The following JADE2 variants were observed in gnomAD, a reference collection of about 807,000 sequenced individuals.
The protein encoded by JADE2 is E3 ubiquitin-protein ligase Jade-2.
In JADE2, 13 loss-of-function variants were observed where a neutral mutation model predicts 85.7. The observed-to-expected ratio is 0.15, with a 90% confidence interval of 0.10 to 0.24. The LOEUF is 0.24. JADE2 is among the 10% of genes least tolerant of loss of function. JADE2 has a pLI of 1.00. For synonymous variants in JADE2, 440 were observed against 456.1 expected (o/e 0.96, Z 0.45); for missense variants, 846 against 1,115.9 (o/e 0.76, Z 3.45).
At chr5:134,553,381 G>C (rs1346469603) in intron 4 of JADE2, among the ~76,000 whole-genome samples, 1 of 147,156 alleles carries the variant, frequency 6.8e-6, no homozygotes, top group African/African-American at 2.5e-5. Context: ...TTGAGACGGA[G>C]TCTCGCTCTT....
chr5:134,559,595 A>G (rs1236881228), intron 4 of JADE2, among the ~76,000 whole-genome samples: 1 of 152,196 alleles, frequency 6.6e-6, no homozygotes, highest in Non-Finnish European at 1.5e-5. Flanking sequence ...ACTGTGCCCT[A>G]CTGCCCTTTG....
At chr5:134,571,355 G>A (rs1763995766) in intron 9 of JADE2, among the ~76,000 whole-genome samples, 1 of 152,234 alleles carries the variant, frequency 6.6e-6, no homozygotes, top group Non-Finnish European at 1.5e-5. Flanking sequence ...CCGTACAGAA[G>A]CCACTGGAGG....
intron 1 of JADE2, among the ~76,000 whole-genome samples, chr5:134,535,098 CAGG>C (rs1761501982): frequency 6.6e-6 from 1 of 152,174 alleles, no homozygotes; most frequent in South Asian, 2.1e-4. Flanking sequence ...TGGTTAGGAA[CAGG>C]AGATGATGTG....
At chr5:134,552,490 C>G (rs1762650392) in intron 4 of JADE2, among the ~76,000 whole-genome samples, 1 of 152,188 alleles carries the variant, frequency 6.6e-6, no homozygotes, top group Admixed American at 6.5e-5. Context: ...TGTAATCTCT[C>G]TGGGCCTCAG....
chr5:134,558,481 C>A (rs1359532240), intron 4 of JADE2, among the ~76,000 whole-genome samples: 1 of 151,674 alleles, frequency 6.6e-6, no homozygotes, highest in East Asian at 1.9e-4. Context: ...AATGGTAATG[C>A]CTAGGTTTTC....
chr5:134,566,188 A>C lies in JADE2; in HGVS notation c.1042A>C (p.Ile348Leu), dbSNP rs369525537. ...TGACCACGGCCTGGAAATGCGGACTATATTAGCAGACAACGATGAGGTCAA... is the reference window on the plus strand; with the variant it reads ...TGACCACGGCCTGGAAATGCGGACTCTATTAGCAGACAACGATGAGGTCAA... ...AFDHGLEMRT[I>L]LADNDEVKFK... The change falls in exon 9 of 12, where the codon ATA (isoleucine) becomes CTA (leucine). Residue 348 changes from isoleucine to leucine, a missense_variant. By Grantham distance (5) the Ile-to-Leu change is conservative. Transcript: ENST00000681547. This position sits in a 1 kb window ranked among gnomAD's most constrained non-coding sequence, Gnocchi z 6.7. 1.9e-6 allele frequency: 3 copies of C among 1,613,928 alleles called. No individual in the cohort carries two copies. Among genetic ancestry groups the C allele is most frequent in the African/African-American group, 2.7e-5 (2 of 74,864 alleles).
At position 134,557,221 on chromosome 5, in the gene JADE2, G is replaced by GATT. The variant is rs199667134; in HGVS notation, c.312-2602_312-2600dup. Among the ~76,000 whole-genome samples the GATT allele has an allele frequency of 6.1e-3, 926 of 150,810 alleles. 6 individuals are homozygous for GATT. The highest frequency in any genetic ancestry group is 0.01 in the Non-Finnish European group (701 of 67,908). On this transcript the variant is annotated intron_variant, in intron 4 of 11. Transcript: ENST00000681547. ...TTGTTATTATGATGATGATGATGATGATTATTATTTTTTTTGTTGTTGTTG... is the reference window on the plus strand; with the variant it reads ...TTGTTATTATGATGATGATGATGATGATTATTATTATTTTTTTTGTTGTTGTTG...
chr5:134,532,098 T>G (rs1761284697), intron 1 of JADE2, among the ~76,000 whole-genome samples: 1 of 152,030 alleles, frequency 6.6e-6, no homozygotes, highest in African/African-American at 2.4e-5. Flanking sequence ...TTGCCCAGAC[T>G]GATCTTGAAC....
chr5:134,567,467 C>T (rs1763715181), intron 9 of JADE2, among the ~76,000 whole-genome samples: 1 of 152,164 alleles, frequency 6.6e-6, no homozygotes, highest in African/African-American at 2.4e-5. Flanking sequence ...ACAGGCTGTT[C>T]TGGTCTCTCC....
chr5:134,577,165 C>A (rs1262074390), intron 11 of JADE2: 2 of 370,938 alleles, frequency 5.4e-6, no homozygotes, highest in Non-Finnish European at 9.7e-6. Context: ...CCAGTCATTC[C>A]CCTGGCTGGG....
intron 3 of JADE2, among the ~76,000 whole-genome samples, chr5:134,546,271 C>G (rs1762289648): frequency 6.6e-6 from 1 of 152,104 alleles, no homozygotes; most frequent in Non-Finnish European, 1.5e-5. Context: ...TGGGCTCAGG[C>G]AGTCCTCCCG....
At chr5:134,551,952 T>C in intron 3 of JADE2, 100 bp from the exon 4 acceptor site, 1 of 1,044,468 alleles carries the variant, frequency 9.6e-7, no homozygotes, top group South Asian at 1.3e-5. Context: ...GCAGGCAGAA[T>C]GTCCACTTGA....
At chr5:134,527,097 G>T (rs1385685389) in intron 1 of JADE2, among the ~76,000 whole-genome samples, 1 of 152,144 alleles carries the variant, frequency 6.6e-6, no homozygotes, top group African/African-American at 2.4e-5. Flanking sequence ...ACTCTCAAAT[G>T]AGTGACATTG....
chr5:134,532,890 A>G (rs1761334103), intron 1 of JADE2, among the ~76,000 whole-genome samples: 1 of 152,224 alleles, frequency 6.6e-6, no homozygotes, highest in African/African-American at 2.4e-5. Flanking sequence ...TTTAAAGGAA[A>G]GAAGCTGCAC....
rs557898290 is a variant in JADE2, at chr5:134,537,077, A to G, written c.59-912A>G. On this transcript the variant is annotated intron_variant, in intron 2 of 11. Transcript: ENST00000681547. ...TCACAGCATCTGGCCTTTTGTGGCT[A>G]CAACATGCTGCCTGTGGCCTGGCTC... 2.0e-5 allele frequency among the ~76,000 whole-genome samples: 3 copies of G among 152,306 alleles called. No homozygotes were observed. In the East Asian group the frequency reaches 5.8e-4, roughly 29 times the overall value.
intron 1 of JADE2, among the ~76,000 whole-genome samples, chr5:134,531,887 T>C (rs1184358674): frequency 4.5e-5 from 5 of 111,766 alleles, no homozygotes; most frequent in African/African-American, 1.8e-4. Flanking sequence ...GCCTGGCTTT[T>C]TTTTTTTTTT....
At chr5:134,569,782 C>T (rs1763880615) in intron 9 of JADE2, among the ~76,000 whole-genome samples, 1 of 152,138 alleles carries the variant, frequency 6.6e-6, no homozygotes, top group Admixed American at 6.5e-5. Context: ...ATGGTGGTCC[C>T]TTTGGCCTCC....
intron 9 of JADE2, among the ~76,000 whole-genome samples, chr5:134,567,394 G>T (rs1763709524): frequency 1.3e-5 from 2 of 152,144 alleles, no homozygotes. Context: ...ACGGTGGCTT[G>T]GTCCAGGGGG....
chr5:134,525,756 A>G lies in JADE2; in HGVS notation c.-256A>G, dbSNP rs566375132. On this transcript the variant is annotated 5_prime_UTR_variant, in exon 1 of 12. An upstream start codon of the reference 5' UTR is lost. Coordinates refer to ENST00000681547, the MANE Select transcript of JADE2 (RefSeq NM_001388185.1). ...TTTTTGGGGGGGGTGAGTAGCGTCC[A>G]TGGAGTTACTTTGCGCCCACTCCTA... The G allele has an allele frequency of 2.4e-5, 29 of 1,200,666 alleles. No homozygotes were observed. The East Asian group carries it at 1.5e-3, about 63-fold the overall frequency. 74.4% of individuals were successfully genotyped at this position (1,200,666 alleles called of 1,614,324 possible).
Sources: allele counts gnomAD v4.1 joint callset (sites outside exome capture counted in the v4.1 genomes callset), GRCh38; gene constraint gnomAD v4.1.1; non-coding constraint Gnocchi (gnomAD v3.1); transcripts MANE v1.5; gene names NCBI Gene and HGNC (gene_info 2026-07-23, HGNC 2026-07-21).